TMEM234: variants seen among roughly 807,000 people sequenced by gnomAD.
The protein encoded by TMEM234 is chromosome 1 open reading frame 91.
TMEM234 carries 21 observed loss-of-function variants against 17.8 expected under a neutral mutation model. That is an observed-to-expected ratio of 1.18 (90% confidence interval 0.84 to 1.70). The LOEUF is 1.70. Ranked by LOEUF, TMEM234 falls within the 40% of genes most tolerant of loss-of-function variation. TMEM234 has a pLI of 0.00. For missense variants in TMEM234, 137 were observed against 166.9 expected (o/e 0.82, Z 0.99); for synonymous variants, 83 against 73.5 (o/e 1.13, Z -0.66).
chr1:32,215,109 G>GA, downstream of TMEM234: 1 of 845,372 alleles, frequency 1.2e-6, no homozygotes, highest in Non-Finnish European at 1.7e-6. Context: ...GAGACTGCCC[G>GA]TAAAAAAAAA....
chr1:32,221,175 T>C lies in TMEM234; in HGVS notation c.191A>G (p.Asn64Ser), dbSNP rs369566648. Residue 64 changes from asparagine to serine, a missense_variant, in exon 3 of 5, where the codon AAC becomes AGC. By Grantham distance (46) the Asn-to-Ser change is conservative (BLOSUM62 1). Transcript: ENST00000309777. ...GTAATAGAGAAGGGATCCACACTGGTTGAGGAGAAAGGGCATCAGGTACTG... is the reference window on the plus strand; with the variant it reads ...GTAATAGAGAAGGGATCCACACTGGCTGAGGAGAAAGGGCATCAGGTACTG... ...NTEYLMPFLL[N>S]QCGSLLYYLT... The C allele has an allele frequency of 5.0e-6, 8 of 1,613,550 alleles. No homozygotes were observed. In the African/African-American group the frequency reaches 8.0e-5, roughly 16 times the overall value.
At chr1:32,222,103 G>C (rs1569846335) in intron 1 of TMEM234, 85 bp from the exon 2 acceptor site, 2 of 1,503,806 alleles carry the variant, frequency 1.3e-6, no homozygotes, top group African/African-American at 1.4e-5. Flanking sequence ...GCCCCAGCTA[G>C]CCGCCCCCAC....
chr1:32,219,484 C>T (rs1638700176), intron 3 of TMEM234, among the ~76,000 whole-genome samples: 2 of 152,186 alleles, frequency 1.3e-5, no homozygotes, highest in Admixed American at 1.3e-4. Flanking sequence ...CCTCAACCTC[C>T]TGAGCTCAAG....
chr1:32,220,839 A>T (rs576155453), intron 3 of TMEM234, among the ~76,000 whole-genome samples: 1 of 152,340 alleles, frequency 6.6e-6, no homozygotes, highest in African/African-American at 2.4e-5. Flanking sequence ...CACACAGTGG[A>T]AGCAAGAATG....
At chr1:32,215,496 G>A (rs747664545), downstream of TMEM234, 3 of 1,613,814 alleles carry the variant, frequency 1.9e-6, no homozygotes, top group East Asian at 2.2e-5. Context: ...GGGGGCCCTG[G>A]AAGTAGCAGA....
At chr1:32,215,531 G>T, downstream of TMEM234, 1 of 1,613,528 alleles carries the variant, frequency 6.2e-7, no homozygotes, top group Non-Finnish European at 8.5e-7. Flanking sequence ...AGACAGAGGA[G>T]CCCTTGGATC....
At position 32,221,195 on chromosome 1, in the gene TMEM234, G is replaced by T; in HGVS notation, c.171C>A (p.Tyr57Ter). 6.2e-7 allele frequency: 1 copy of T among 1,613,124 alleles called. No homozygotes were observed. Among genetic ancestry groups the T allele is most frequent in the South Asian group, 1.1e-5 (1 of 90,828 alleles). Residue 57 changes from tyrosine (Y) to a stop codon, truncating the protein, a stop_gained and splice_region_variant, in exon 3 of 5, where the codon TAC (tyrosine) becomes TAA (stop). Transcript: ENST00000309777. LOFTEE classifies it high-confidence loss of function. ...ACTGGTTGAGGAGAAAGGGCATCAG[G>T]TACTGGAAAGAGGAGAAACCTGCAG... ...EMKTLFLNTEYLMPFLLNQCG... is the reference protein window; with the variant it reads ...EMKTLFLNTE
At chr1:32,214,829 C>G (rs765241233), downstream of TMEM234, 2 of 1,614,020 alleles carry the variant, frequency 1.2e-6, no homozygotes, top group Non-Finnish European at 1.7e-6. Context: ...TAACCCAGCC[C>G]TCTCCAAAGG....
At chr1:32,214,568 C>G, downstream of TMEM234, 1 of 553,580 alleles carries the variant, frequency 1.8e-6, no homozygotes, top group East Asian at 3.2e-5. Context: ...GAAGCACAGT[C>G]TGGTTTCACT....
chr1:32,215,833 C>T, downstream of TMEM234: 1 of 1,553,114 alleles, frequency 6.4e-7, no homozygotes, highest in Non-Finnish European at 8.7e-7. Context: ...GAGGCCTTGT[C>T]CCTGGAAAAC....
rs777514432 is a variant in TMEM234 at position 32,221,897 on chromosome 1, C to T, written c.138G>A (p.Gln46=). Residue 46 remains glutamine (Q), a synonymous_variant, in exon 2 of 5, where the codon CAG becomes CAA. Transcript: ENST00000309777. ...TATTCAAGAAGAGGGTCTTCATCTC[C>T]TGTAGCAACTGCTGGGCCCAGGTCG... ...HEPTWAQQLL[Q]EMKTLFLNTE... is the part of the protein sequence containing the mutation. 138 of 1,613,240 alleles carry T rather than the reference C, an allele frequency of 8.6e-5. No individual in the cohort carries two copies. The highest frequency in any genetic ancestry group is 1.2e-4 in the Non-Finnish European group (136 of 1,180,008).
In TMEM234 at chr1:32,216,718, G is replaced by A. The variant is rs1638418480; in HGVS notation, c.*135C>T. The A allele has an allele frequency of 6.7e-7, 1 of 1,502,042 alleles. No individual in the cohort carries two copies. The highest frequency in any genetic ancestry group is 8.9e-7 in the Non-Finnish European group (1 of 1,121,262). The allele number at this position is 1,502,042 out of a possible 1,614,324, so 93.0% of individuals were successfully genotyped here. A position where few individuals can be genotyped will look rare whatever the true frequency, so the allele number is the denominator to read the frequency against. ...TTGTTCTCTTATTGTGATCCATGAGGTAGCTGTTATCCCCATAAGAGAGGA... is the reference window on the plus strand; with the variant it reads ...TTGTTCTCTTATTGTGATCCATGAGATAGCTGTTATCCCCATAAGAGAGGA... On this transcript the variant is annotated 3_prime_UTR_variant, in exon 5 of 5. Coordinates refer to ENST00000309777, the MANE Select transcript of TMEM234 (RefSeq NM_019118.5).
intron 3 of TMEM234, 84 bp downstream of exon 3, chr1:32,221,047 G>T: frequency 8.0e-6 from 9 of 1,130,120 alleles, no homozygotes; most frequent in Non-Finnish European, 1.1e-5. Flanking sequence ...GGAATGAGGT[G>T]TTTCAAGCTC....
Position 32,217,634 on chromosome 1 carries a change from A to C in TMEM234, c.236-283T>G, listed in dbSNP as rs1184360952. The stretch of plus-strand genomic sequence containing the variant: ...CTCAAAGAGAACTCGTGAGATCTCA[A>C]GGACATCTGGACGGACAGGCAGGCA... On this transcript the variant is annotated intron_variant, in intron 3 of 4. Transcript: ENST00000309777. 1.1e-5 allele frequency: 7 copies of C among 634,660 alleles called. No homozygotes were observed. The Admixed American group carries it at 1.5e-4, about 14-fold the overall frequency. 39.3% of individuals were successfully genotyped at this position (634,660 alleles called of 1,614,324 possible).
In TMEM234 at chr1:32,222,300, T is replaced by C. The variant is rs1639009465; in HGVS notation, c.16+7A>G. 2 of 1,552,342 alleles carry C rather than the reference T, an allele frequency of 1.3e-6. No homozygotes were observed. The highest frequency in any genetic ancestry group is 1.7e-6 in the Non-Finnish European group (2 of 1,149,502). On this transcript the variant is annotated splice_region_variant and intron_variant, in intron 1 of 4. Transcript: ENST00000309777. ...AAATCCATGGAAGGGCGGGGCCGGC[T>C]ACCTACCCAGAGACGCCGCCATGGC... is the stretch of plus-strand genomic sequence containing the variant.
intron 3 of TMEM234, among the ~76,000 whole-genome samples, chr1:32,220,781 A>C (rs190935283): frequency 9.9e-4 from 151 of 152,330 alleles, no homozygotes; most frequent in Non-Finnish European, 1.6e-3. Flanking sequence ...AGCCAACTAT[A>C]TAAAACCAAG....
chr1:32,215,478 G>A, downstream of TMEM234: 2 of 1,613,642 alleles, frequency 1.2e-6, no homozygotes, highest in Non-Finnish European at 1.7e-6. Context: ...CCGAAGGAAG[G>A]AGACAGCGGG....
Position 32,222,305 on chromosome 1 carries a change from A to G in TMEM234, c.16+2T>C. 6.4e-7 allele frequency: 1 copy of G among 1,559,378 alleles called. No homozygotes were observed. The highest frequency in any genetic ancestry group is 8.7e-7 in the Non-Finnish European group (1 of 1,152,494). On this transcript the variant is annotated splice_donor_variant, in intron 1 of 4. Coordinates refer to ENST00000309777, the MANE Select transcript of TMEM234 (RefSeq NM_019118.5). LOFTEE classifies it high-confidence loss of function. ...CATGGAAGGGCGGGGCCGGCTACCT[A>G]CCCAGAGACGCCGCCATGGCAACGC... is the stretch of plus-strand genomic sequence containing the variant.
At chr1:32,216,122 C>A, downstream of TMEM234, 3 of 674,514 alleles carry the variant, frequency 4.4e-6, no homozygotes, top group South Asian at 5.8e-5. Context: ...TTATGGGATT[C>A]TCTGGCCAGA....
Sources: gnomAD v4.1 joint callset for allele counts (sites outside exome capture counted in the v4.1 genomes callset) on GRCh38, gnomAD v4.1.1 for gene constraint, MANE v1.5 for transcripts, NCBI Gene and HGNC (gene_info 2026-07-23, HGNC 2026-07-21) for gene names.